Variants in WIPF2 observed in about 807,000 individuals in gnomAD.
WIPF2 encodes the protein WAS/WASL interacting protein family member 2, also known as WAS/WASL-interacting protein family member 2.
Under a neutral mutation model 38.8 loss-of-function variants are expected in WIPF2, and 23 were observed. The ratio of observed to expected loss-of-function variants is 0.59; its 90% CI spans 0.43 to 0.84. The LOEUF is 0.84. WIPF2 is among the 40% of genes least tolerant of loss of function. The probability of loss-of-function intolerance (pLI) is 0.00; values close to 1 mark genes in which losing one functional copy is unlikely to be tolerated. For synonymous variants in WIPF2, 210 were observed against 223.2 expected, an observed-to-expected ratio of 0.94 and a Z score of 0.53; for missense variants, 574 against 580.5, an observed-to-expected ratio of 0.99 and a Z score of 0.11.
chr17:40,230,064 A>G (rs2030675604), intron 1 of WIPF2, among the ~76,000 whole-genome samples: 3 of 152,212 alleles, frequency 2.0e-5, no homozygotes, highest in African/African-American at 7.2e-5. Context: ...ATAGGCTGGC[A>G]TGGTGGCTCA....
chr17:40,225,567 T>G (rs1185598274), intron 1 of WIPF2, among the ~76,000 whole-genome samples: 1 of 152,204 alleles, frequency 6.6e-6, no homozygotes, highest in East Asian at 1.9e-4. Context: ...TCCAACAATG[T>G]GTTCTACTTA....
Position 40,262,283 on chromosome 17 carries a change from A to G in WIPF2, c.197-242A>G, listed in dbSNP as rs370756928. 9.2e-5 allele frequency among the ~76,000 whole-genome samples: 14 copies of G among 151,818 alleles called. No individual in the cohort carries two copies. In the East Asian group the frequency reaches 1.8e-3, roughly 19 times the overall value. ...ATTTTTTGTAGAGTCAGGTCCTACT[A>G]TATTGCCTAGGCTGCTCTCGAACTC... On this transcript the variant is annotated intron_variant, in intron 3 of 7. Transcript: ENST00000323571.
intron 1 of WIPF2, among the ~76,000 whole-genome samples, chr17:40,226,000 G>T (rs762568086): frequency 3.9e-5 from 6 of 151,924 alleles, no homozygotes; most frequent in Non-Finnish European, 8.8e-5. Context: ...AGTGCCATTT[G>T]GATTTTGAGG....
intron 1 of WIPF2, among the ~76,000 whole-genome samples, chr17:40,226,815 C>T (rs1022007496): frequency 4.6e-5 from 7 of 152,152 alleles, no homozygotes; most frequent in Non-Finnish European, 1.5e-5. Flanking sequence ...AATCTCGGCT[C>T]ACTGCAGCCT....
At chr17:40,234,449 AAAC>A (rs2030877231) in intron 1 of WIPF2, among the ~76,000 whole-genome samples, 2 of 150,652 alleles carry the variant, frequency 1.3e-5, no homozygotes, top group African/African-American at 4.9e-5. Flanking sequence ...ACAAACAAAC[AAAC>A]AAAAAAAACA....
intron 1 of WIPF2, among the ~76,000 whole-genome samples, chr17:40,234,088 G>T (rs1028547555): frequency 6.6e-6 from 1 of 151,668 alleles, no homozygotes; most frequent in South Asian, 2.1e-4. Context: ...AAAAAAACAG[G>T]CCAGGCACAG....
At chr17:40,253,835 A>C (rs1334573105) in intron 1 of WIPF2, among the ~76,000 whole-genome samples, 1 of 152,134 alleles carries the variant, frequency 6.6e-6, no homozygotes, top group Non-Finnish European at 1.5e-5. Context: ...ATTTCTGATC[A>C]AATTCTACTC....
Position 40,264,841 on chromosome 17 carries a change from A to G in WIPF2, c.665A>G (p.Glu222Gly). ...TPGQRLHPGR[E>G]GPPAPPPVKP... ...GGACAAAGGCTTCACCCTGGTCGAGAGGGACCTCCTGCTCCACCCCCAGTC... is the reference window on the plus strand; with the variant it reads ...GGACAAAGGCTTCACCCTGGTCGAGGGGGACCTCCTGCTCCACCCCCAGTC... The change falls in exon 5 of 8, where the codon GAG becomes GGG. Residue 222 changes from glutamate (E) to glycine (G), a missense_variant. Physicochemically the swap from Glu to Gly is moderately conservative, Grantham distance 98. Transcript: ENST00000323571. 1 of 1,614,026 alleles carries G rather than the reference A, an allele frequency of 6.2e-7. No homozygotes were observed. Among genetic ancestry groups the G allele is most frequent in the South Asian group, 1.1e-5 (1 of 91,076 alleles).
intron 1 of WIPF2, among the ~76,000 whole-genome samples, chr17:40,224,096 A>C (rs1368328059): frequency 6.6e-6 from 1 of 151,896 alleles, no homozygotes; most frequent in Non-Finnish European, 1.5e-5. Flanking sequence ...AAACCTGCTT[A>C]ATATTATGCT....
intron 7 of WIPF2, among the ~76,000 whole-genome samples, chr17:40,277,469 C>T (rs925486015): frequency 2.6e-5 from 4 of 152,014 alleles, no homozygotes; most frequent in Admixed American, 2.0e-4. Flanking sequence ...ATCATGAGGT[C>T]GGGAGATCAA....
chr17:40,258,340 A>T (rs1317278715), intron 2 of WIPF2, among the ~76,000 whole-genome samples: 1 of 147,488 alleles, frequency 6.8e-6, no homozygotes, highest in African/African-American at 2.5e-5. Flanking sequence ...CAGAGATTGC[A>T]CCCAGCACTT....
At position 40,239,451 on chromosome 17, in the gene WIPF2, A is replaced by G. The variant is rs143031830; in HGVS notation, c.-69-16940A>G. 1.9e-3 allele frequency among the ~76,000 whole-genome samples: 290 copies of G among 152,206 alleles called. 2 individuals carry two copies. The highest frequency in any genetic ancestry group is 6.4e-3 in the African/African-American group (265 of 41,516). ...CCCTACTATAGGGTATTGGGATTAC[A>G]GGCACCCTGGCAGGCTGGTAAAAGG... On this transcript the variant is annotated intron_variant, in intron 1 of 7. Transcript: ENST00000323571.
intron 1 of WIPF2, among the ~76,000 whole-genome samples, chr17:40,220,155 G>C (rs918194552): frequency 6.7e-6 from 1 of 148,864 alleles, no homozygotes; most frequent in Admixed American, 6.7e-5. Flanking sequence ...TTTTTTTTTT[G>C]TTTTAAAGGT....
chr17:40,237,802 C>T (rs1459453991), intron 1 of WIPF2, among the ~76,000 whole-genome samples: 6 of 149,348 alleles, frequency 4.0e-5, no homozygotes, highest in African/African-American at 1.2e-4. Flanking sequence ...CACACCACCA[C>T]GCCCAGCTAA....
At position 40,280,693 on chromosome 17, in the gene WIPF2, A is replaced by G. The variant is rs1200951580; in HGVS notation, c.*2468A>G. 2 of 152,538 alleles carry G rather than the reference A, an allele frequency of 1.3e-5. No homozygotes were observed. The highest frequency in any genetic ancestry group is 2.1e-4 in the South Asian group (1 of 4,824). 9.4% of individuals were successfully genotyped at this position (152,538 alleles called of 1,614,324 possible). ...TCCTTTACTCAGACATAGAGCATCA[A>G]AATATCACGAGTAAAGCCAAACCCC... On this transcript the variant is annotated 3_prime_UTR_variant, in exon 8 of 8. Coordinates refer to ENST00000323571, the MANE Select transcript of WIPF2 (RefSeq NM_133264.5).
chr17:40,232,645 C>CT (rs879266407), intron 1 of WIPF2, among the ~76,000 whole-genome samples: 300 of 140,156 alleles, frequency 2.1e-3, no homozygotes, highest in East Asian at 2.3e-3. Context: ...ATTAATTTCT[C>CT]TTTTTTTTTT....
rs982963728 is a variant in WIPF2, at chr17:40,261,622, T to C, written c.197-903T>C. 6.0e-5 allele frequency among the ~76,000 whole-genome samples: 9 copies of C among 150,178 alleles called. 1 individual carries two copies. Among genetic ancestry groups the C allele is most frequent in the Admixed American group, 1.3e-4 (2 of 15,038 alleles). On this transcript the variant is annotated intron_variant, in intron 3 of 7. Transcript: ENST00000323571. ...CCCCCAAACATTTATTTAACCCCCTTATCCCTTTGCCCTGAATAAAGGAAG... is the reference window on the plus strand; with the variant it reads ...CCCCCAAACATTTATTTAACCCCCTCATCCCTTTGCCCTGAATAAAGGAAG...
intron 4 of WIPF2, among the ~76,000 whole-genome samples, chr17:40,264,059 G>A (rs1343065016): frequency 2.0e-5 from 3 of 151,936 alleles, no homozygotes; most frequent in South Asian, 2.1e-4. Flanking sequence ...TAGGCCGGAC[G>A]TGGTGGCTCA....
intron 3 of WIPF2, among the ~76,000 whole-genome samples, chr17:40,261,680 TGG>T (rs373803814): frequency 1.3e-4 from 20 of 148,564 alleles, no homozygotes; most frequent in African/African-American, 4.6e-4. Context: ...TTTTTTTTTT[TGG>T]TTTTTTTTGT....
Sources: allele counts gnomAD v4.1 joint callset (sites outside exome capture counted in the v4.1 genomes callset), GRCh38; gene constraint gnomAD v4.1.1; transcripts MANE v1.5; gene names NCBI Gene and HGNC (gene_info 2026-07-23, HGNC 2026-07-21).